Variants in NUDT3 observed in about 807,000 individuals in gnomAD.
The protein encoded by NUDT3 is diphosphoinositol polyphosphate phosphohydrolase 1.
NUDT3 carries 9 observed loss-of-function variants against 23.6 expected under a neutral mutation model. The ratio of observed to expected loss-of-function variants is 0.38; its 90% CI spans 0.23 to 0.66. The LOEUF (loss-of-function observed/expected upper bound fraction) is 0.66, where lower values mean the gene tolerates loss of function less well. Ranked by LOEUF, NUDT3 falls within the 30% of genes least tolerant of loss-of-function variation. The pLI, the probability that NUDT3 is intolerant of heterozygous loss-of-function variation, is 0.52. For missense variants in NUDT3, 172 were observed against 218.5 expected (o/e 0.79, Z 1.34); for synonymous variants, 86 against 82.6 (o/e 1.04, Z -0.22).
At chr6:34,354,842 T>TA (rs1177433592) in intron 1 of NUDT3, among the ~76,000 whole-genome samples, 4 of 149,720 alleles carry the variant, frequency 2.7e-5, no homozygotes, top group African/African-American at 7.3e-5. Context: ...TTTGTATACT[T>TA]ATATTTTATT....
chr6:34,355,280 G>A lies in NUDT3; in HGVS notation c.100-13308C>T, dbSNP rs557905170. ...ATGCTTTTTCTGAATCTATTGATAC[G>A]ATGATATGGTGGTTCTTTTTTTTAG... On this transcript the variant is annotated intron_variant, in intron 1 of 4. Coordinates refer to ENST00000607016, the MANE Select transcript of NUDT3 (RefSeq NM_006703.4). 2.6e-5 allele frequency among the ~76,000 whole-genome samples: 4 copies of A among 152,144 alleles called. No individual in the cohort carries two copies. The East Asian group carries it at 5.8e-4, about 22-fold the overall frequency.
At chr6:34,365,454 T>TA (rs1764712986) in intron 1 of NUDT3, among the ~76,000 whole-genome samples, 1 of 151,932 alleles carries the variant, frequency 6.6e-6, no homozygotes, top group African/African-American at 2.4e-5. Context: ...AATAAATAAA[T>TA]AAAGTCCTGG....
At chr6:34,368,828 C>A (rs1166154039) in intron 1 of NUDT3, among the ~76,000 whole-genome samples, 1 of 152,158 alleles carries the variant, frequency 6.6e-6, no homozygotes, top group Non-Finnish European at 1.5e-5. Context: ...TTAGCAGAGA[C>A]GGGGTTTCAC....
intron 2 of NUDT3, among the ~76,000 whole-genome samples, chr6:34,327,465 G>C (rs1764057082): frequency 6.6e-6 from 1 of 151,430 alleles, no homozygotes; most frequent in Non-Finnish European, 1.5e-5. Flanking sequence ...GGGAGGTGGA[G>C]GTTGCAGTGA....
chr6:34,322,481 G>T (rs1272682954), intron 2 of NUDT3, among the ~76,000 whole-genome samples: 1 of 152,116 alleles, frequency 6.6e-6, no homozygotes, highest in Non-Finnish European at 1.5e-5. Flanking sequence ...CGCCCACCTT[G>T]GCCTCCCAAA....
chr6:34,364,254 T>C (rs1339072160), intron 1 of NUDT3, among the ~76,000 whole-genome samples: 1 of 152,252 alleles, frequency 6.6e-6, no homozygotes, highest in Admixed American at 6.5e-5. Flanking sequence ...ATTTAACAGC[T>C]GACAAGCTGT....
chr6:34,368,880 C>T (rs776791717), intron 1 of NUDT3, among the ~76,000 whole-genome samples: 27 of 152,276 alleles, frequency 1.8e-4, no homozygotes, highest in African/African-American at 3.4e-4. Flanking sequence ...CCTCATGATC[C>T]GCCTGCCTCG....
At chr6:34,366,970 G>A (rs1764745411) in intron 1 of NUDT3, among the ~76,000 whole-genome samples, 1 of 152,128 alleles carries the variant, frequency 6.6e-6, no homozygotes, top group Non-Finnish European at 1.5e-5. Flanking sequence ...TCAGCTCACT[G>A]CAACCTCTGC....
At chr6:34,367,584 C>T (rs988978101) in intron 1 of NUDT3, among the ~76,000 whole-genome samples, 16 of 151,862 alleles carry the variant, frequency 1.1e-4, no homozygotes, top group Non-Finnish European at 1.9e-4. Context: ...AACATAAGTA[C>T]CGTCCAGCAT....
chr6:34,345,828 G>A (rs1230539975), intron 1 of NUDT3, among the ~76,000 whole-genome samples: 2 of 151,946 alleles, frequency 1.3e-5, no homozygotes, highest in Admixed American at 1.3e-4. Flanking sequence ...GAGTGCAATG[G>A]CATGATCTTG....
At chr6:34,312,059 A>T (rs1463160055) in intron 2 of NUDT3, among the ~76,000 whole-genome samples, 1 of 152,188 alleles carries the variant, frequency 6.6e-6, no homozygotes, top group Non-Finnish European at 1.5e-5. Flanking sequence ...TACCTGAAAG[A>T]AAAAATTGAT....
At chr6:34,379,278 G>A (rs1764974137) in intron 1 of NUDT3, among the ~76,000 whole-genome samples, 1 of 152,188 alleles carries the variant, frequency 6.6e-6, no homozygotes, top group Non-Finnish European at 1.5e-5. Flanking sequence ...AGTAATCCAT[G>A]GTGGGGTACA....
At chr6:34,368,800 G>A (rs1764782713) in intron 1 of NUDT3, among the ~76,000 whole-genome samples, 1 of 152,092 alleles carries the variant, frequency 6.6e-6, no homozygotes, top group African/African-American at 2.4e-5. Context: ...CACCACACCT[G>A]GCTCATTTTT....
At chr6:34,312,791 T>A (rs1036080481) in intron 2 of NUDT3, among the ~76,000 whole-genome samples, 2 of 152,196 alleles carry the variant, frequency 1.3e-5, no homozygotes, top group Non-Finnish European at 2.9e-5. Context: ...AGTAGGTGAA[T>A]GGATAAATAA....
intron 3 of NUDT3, 28 bp downstream of exon 3, chr6:34,295,613 T>C (rs776980818): frequency 5.0e-6 from 8 of 1,612,548 alleles, no homozygotes; most frequent in Non-Finnish European, 6.8e-6. Flanking sequence ...ATACATATCA[T>C]TTGTACCAAA....
chr6:34,298,164 C>G (rs759010733), intron 2 of NUDT3, among the ~76,000 whole-genome samples: 2 of 151,986 alleles, frequency 1.3e-5, no homozygotes, highest in African/African-American at 4.8e-5. Context: ...GAGTTCGAGA[C>G]CAGCCTGGGC....
intron 2 of NUDT3, among the ~76,000 whole-genome samples, chr6:34,319,473 G>A (rs1763908070): frequency 6.6e-6 from 1 of 152,204 alleles, no homozygotes; most frequent in Non-Finnish European, 1.5e-5. Flanking sequence ...CAGATTAAGA[G>A]ATGCACAGGG....
At chr6:34,334,120 A>C (rs115081382) in intron 2 of NUDT3, among the ~76,000 whole-genome samples, 14,343 of 152,150 alleles carry the variant, frequency 0.094, 787 homozygotes, top group Non-Finnish European at 0.12. Flanking sequence ...GTGCACTGTG[A>C]CCCAAGTTTC....
chr6:34,335,753 T>G (rs560415222), intron 2 of NUDT3, among the ~76,000 whole-genome samples: 54 of 116,214 alleles, frequency 4.6e-4, no homozygotes, highest in African/African-American at 9.9e-4. Context: ...AAATGCTGTG[T>G]TTTTTTTTTT....
Sources: allele counts gnomAD v4.1 joint callset (sites outside exome capture counted in the v4.1 genomes callset), GRCh38; gene constraint gnomAD v4.1.1; transcripts MANE v1.5; gene names NCBI Gene and HGNC (gene_info 2026-07-23, HGNC 2026-07-21).